Variants in C2orf68 observed in about 807,000 individuals in gnomAD.
C2orf68 encodes chromosome 2 open reading frame 68.
A neutral mutation model predicts 19.1 loss-of-function variants in C2orf68; 15 were observed. That is an observed-to-expected ratio of 0.79 (90% CI 0.53 to 1.21). The LOEUF (loss-of-function observed/expected upper bound fraction) is 1.21, where lower values mean the gene tolerates loss of function less well. Ranked by LOEUF, C2orf68 falls within the 50% of genes most tolerant of loss-of-function variation. The probability of loss-of-function intolerance (pLI) is 0.00; values close to 1 mark genes in which losing one functional copy is unlikely to be tolerated. For missense variants in C2orf68, 242 were observed against 226.6 expected (o/e 1.07, Z -0.44); for synonymous variants, 98 against 91.0 (o/e 1.08, Z -0.44).
At chr2:85,610,187 G>C (rs1196304227) in intron 2 of C2orf68, 1 of 151,038 alleles carries the variant, frequency 6.6e-6, no homozygotes, top group Admixed American at 6.6e-5. Context: ...GCTAATTTTT[G>C]TATTTTTAGT....
At position 85,611,682 on chromosome 2, in the gene C2orf68, A is replaced by T. The variant is rs1040001165; in HGVS notation, c.212T>A (p.Leu71Gln). The change falls in exon 2 of 4, where the codon CTG becomes CAG. Residue 71 changes from leucine (L) to glutamine (Q), a missense_variant. Transcript: ENST00000306336. ...GGCGGCCTCACCTCGGTGTCGCGGC[A>T]GGTACACCTGCAGGTCTGGCTTGCG... Reference protein sequence around the residue: ...RPRKPDLQVYLPRHRDVSAHP... With the variant: ...RPRKPDLQVYQPRHRDVSAHP... The T allele has an allele frequency of 1.7e-5, 27 of 1,569,650 alleles. No individual in the cohort carries two copies. The highest frequency in any genetic ancestry group is 3.3e-4 in the Middle Eastern group (2 of 6,028).
Position 85,611,938 on chromosome 2 carries a change from C to T in C2orf68, c.47G>A (p.Gly16Glu). 6.3e-7 allele frequency: 1 copy of T among 1,585,598 alleles called. No homozygotes were observed. Among genetic ancestry groups the T allele is most frequent in the Non-Finnish European group, 8.5e-7 (1 of 1,173,186 alleles). Residue 16 changes from glycine to glutamate, a missense_variant, in exon 1 of 4, where the codon GGG (glycine) becomes GAG (glutamate). By Grantham distance (98) the Gly-to-Glu change is moderately conservative. Coordinates refer to ENST00000306336, the MANE Select transcript of C2orf68 (RefSeq NM_001013649.4). ...HPRPGHCCKPGGRLDMNHGFV... is the reference protein window; with the variant it reads ...HPRPGHCCKPEGRLDMNHGFV... ...GCCGTGGTTCATGTCCAGCCGCCCC[C>T]CAGGCTTGCAGCAGTGCCCCGGCCG...
In C2orf68 at chr2:85,605,842, G is replaced by A. The variant is rs1027298783; in HGVS notation, c.*3103C>T. The stretch of plus-strand genomic sequence containing the variant: ...CCCCTCAGAGTGCACCATGGAGATG[G>A]AATGTCCCTTCCAGAGAGACTTTTA... On this transcript the variant is annotated 3_prime_UTR_variant, in exon 4 of 4. Coordinates refer to ENST00000306336, the MANE Select transcript of C2orf68 (RefSeq NM_001013649.4). 2.6e-5 allele frequency among the ~76,000 whole-genome samples: 4 copies of A among 152,216 alleles called. No individual in the cohort carries two copies. Among genetic ancestry groups the A allele is most frequent in the African/African-American group, 4.8e-5 (2 of 41,444 alleles).
chr2:85,609,712 C>CAAA, intron 2 of C2orf68, 126 bp from the exon 3 acceptor site: 4 of 1,276,412 alleles, frequency 3.1e-6, no homozygotes, highest in South Asian at 1.4e-5. Context: ...GACGAAGTCT[C>CAAA]ACTCTGTCGC....
In C2orf68 at chr2:85,608,610, G is replaced by C. The variant is rs1446629623; in HGVS notation, c.*335C>G. The C allele has an allele frequency of 9.9e-6, 2 of 201,730 alleles. No individual in the cohort carries two copies. Among genetic ancestry groups the C allele is most frequent in the African/African-American group, 4.7e-5 (2 of 42,286 alleles). 12.5% of individuals were successfully genotyped at this position (201,730 alleles called of 1,614,324 possible). ...CAGCAGCAGCCAGGCATATGACCTC[G>C]GTGAGAAAGCACCATGTTGCACGAG... On this transcript the variant is annotated 3_prime_UTR_variant, in exon 4 of 4. Coordinates refer to ENST00000306336, the MANE Select transcript of C2orf68 (RefSeq NM_001013649.4).
At chr2:85,610,516 GTTGT>G (rs1012665858) in intron 2 of C2orf68, 4 of 152,216 alleles carry the variant, frequency 2.6e-5, no homozygotes, top group African/African-American at 7.2e-5. Context: ...TCTTGGGCAA[GTTGT>G]TTAACCTCTC....
At chr2:85,611,444 C>T in intron 2 of C2orf68, 1 of 1,525,602 alleles carries the variant, frequency 6.6e-7, no homozygotes, top group Non-Finnish European at 8.8e-7. Context: ...TTCTTGCTGG[C>T]TCCCCGATAC....
intron 2 of C2orf68, among the ~76,000 whole-genome samples, chr2:85,609,835 C>T (rs1205422740): frequency 6.6e-6 from 1 of 151,946 alleles, no homozygotes; most frequent in Non-Finnish European, 1.5e-5. Flanking sequence ...CAAGTGCCAC[C>T]ACATCCAGCT....
chr2:85,609,074 G>A lies in C2orf68; in HGVS notation c.379-7C>T. 1.9e-6 allele frequency: 3 copies of A among 1,614,010 alleles called. No homozygotes were observed. In the South Asian group the frequency reaches 3.3e-5, roughly 18 times the overall value. On this transcript the variant is annotated splice_region_variant and splice_polypyrimidine_tract_variant and intron_variant, in intron 3 of 3. Transcript: ENST00000306336. ...CCTTTCCTGGGTCATCACCCTACGTGGAGGAAGAGTCAGAAGGCTCAGGGC... is the reference window on the plus strand; with the variant it reads ...CCTTTCCTGGGTCATCACCCTACGTAGAGGAAGAGTCAGAAGGCTCAGGGC...
In C2orf68 at chr2:85,608,194, G is replaced by A. The variant is rs1159804681; in HGVS notation, c.*751C>T. The A allele has an allele frequency of 1.3e-5, 2 of 152,186 alleles. No individual in the cohort carries two copies. Among genetic ancestry groups the A allele is most frequent in the African/African-American group, 2.4e-5 (1 of 41,446 alleles). The allele number at this position is 152,186 out of a possible 1,614,324, so 9.4% of individuals were successfully genotyped here. A position where few individuals can be genotyped will look rare whatever the true frequency, so the allele number is the denominator to read the frequency against. ...TGCTGTAAGAAATCTTTTCAGTTTA[G>A]CACCAACATCTTCCTAGGTTTCCTG... On this transcript the variant is annotated 3_prime_UTR_variant, in exon 4 of 4. Transcript: ENST00000306336.
intron 3 of C2orf68, 91 bp downstream of exon 3, chr2:85,609,344 G>C (rs1313811525): frequency 7.6e-5 from 115 of 1,519,712 alleles, no homozygotes; most frequent in Non-Finnish European, 9.3e-5. Flanking sequence ...CTTCCCATTG[G>C]GGGTCCTGAG....
chr2:85,609,031 C>A lies in C2orf68; in HGVS notation c.415G>T (p.Ala139Ser), dbSNP rs1268477131. 2.5e-6 allele frequency: 4 copies of A among 1,614,204 alleles called. No homozygotes were observed. In the Admixed American group the frequency reaches 5.0e-5, roughly 20 times the overall value. Residue 139 changes from alanine to serine, a missense_variant, in exon 4 of 4, where the codon GCA becomes TCA. Ala to Ser is a moderately conservative substitution (Grantham distance 99, BLOSUM62 1). Transcript: ENST00000306336. Reference sequence around the variant, plus strand: ...ATGGGTGGATCCAGAGGCGTGTGTGCCGACACCTTCTCACTCACCTTTCCT... The same window carrying A: ...ATGGGTGGATCCAGAGGCGTGTGTGACGACACCTTCTCACTCACCTTTCCT... The part of the protein sequence containing the change: ...DPGKVSEKVS[A>S]HTPLDPPMRE...
rs1431865455 is a variant in C2orf68 at position 85,606,883 on chromosome 2, G to C, written c.*2062C>G. 6.6e-6 allele frequency: 1 copy of C among 151,746 alleles called. No individual in the cohort carries two copies. The highest frequency in any genetic ancestry group is 2.4e-5 in the African/African-American group (1 of 41,248). The allele number at this position is 151,746 out of a possible 1,614,324, so 9.4% of individuals were successfully genotyped here. The stretch of plus-strand genomic sequence containing the variant: ...TGCAACCTCCGCCTTCCAGGTTTAG[G>C]TGATTCTCTTGCCTCGGCCTCCCGA... On this transcript the variant is annotated 3_prime_UTR_variant, in exon 4 of 4. Transcript: ENST00000306336.
At chr2:85,609,175 G>C in intron 3 of C2orf68, 108 bp from the exon 4 acceptor site, 1 of 1,453,930 alleles carries the variant, frequency 6.9e-7, no homozygotes, top group Non-Finnish European at 9.3e-7. Context: ...AAGGCTTTTT[G>C]CCAGCACCTG....
intron 2 of C2orf68, 40 bp from the exon 3 acceptor site, chr2:85,609,626 G>C: frequency 1.9e-6 from 3 of 1,611,202 alleles, no homozygotes; most frequent in Non-Finnish European, 2.5e-6. Context: ...GAGGGGGGGT[G>C]CTGCTGAAGG....
rs571716981 is a variant in C2orf68 at position 85,605,911 on chromosome 2, G to A, written c.*3034C>T. Among the ~76,000 whole-genome samples, 206 of 152,240 alleles carry A rather than the reference G, an allele frequency of 1.4e-3. 2 individuals are homozygous for A. In the Middle Eastern group the frequency reaches 0.017, roughly 13 times the overall value. On this transcript the variant is annotated 3_prime_UTR_variant, in exon 4 of 4. Transcript: ENST00000306336. ...TTGGCTGGGCTCCAACTCTCATTTGGTACAAAAAGCTTTACATTCTTTTCC... is the reference window on the plus strand; with the variant it reads ...TTGGCTGGGCTCCAACTCTCATTTGATACAAAAAGCTTTACATTCTTTTCC...
rs971802741 is a variant in C2orf68 at position 85,609,147 on chromosome 2, C to G, written c.379-80G>C. The G allele has an allele frequency of 3.2e-6, 5 of 1,559,132 alleles. No homozygotes were observed. The African/African-American group carries it at 6.8e-5, about 21-fold the overall frequency. ...CCTGCCCTGTCCCTAAACACTCTCA[C>G]AGAACTCCATTTAGCTCAAGGCTTT... On this transcript the variant is annotated intron_variant, in intron 3 of 3. Coordinates refer to ENST00000306336, the MANE Select transcript of C2orf68 (RefSeq NM_001013649.4).
In C2orf68 at chr2:85,609,032, C is replaced by G; in HGVS notation, c.414G>C (p.Ser138=). The change falls in exon 4 of 4, where the codon TCG becomes TCC. Residue 138 remains serine, a synonymous_variant. Coordinates refer to ENST00000306336, the MANE Select transcript of C2orf68 (RefSeq NM_001013649.4). ...TGGGTGGATCCAGAGGCGTGTGTGC[C>G]GACACCTTCTCACTCACCTTTCCTG... ...DDPGKVSEKV[S]AHTPLDPPMR... 1 of 1,614,206 alleles carries G rather than the reference C, an allele frequency of 6.2e-7. No homozygotes were observed. The highest frequency in any genetic ancestry group is 8.5e-7 in the Non-Finnish European group (1 of 1,180,044).
chr2:85,611,376 C>T, intron 2 of C2orf68: 1 of 1,452,514 alleles, frequency 6.9e-7, no homozygotes, highest in South Asian at 1.5e-5. Flanking sequence ...TTTCTCTTTG[C>T]TAGGTAGCGG....
Sources: gnomAD v4.1 joint callset for allele counts (sites outside exome capture counted in the v4.1 genomes callset) on GRCh38, gnomAD v4.1.1 for gene constraint, MANE v1.5 for transcripts, NCBI Gene and HGNC (gene_info 2026-07-23, HGNC 2026-07-21) for gene names.